The following WWOX variants were observed in gnomAD, a reference collection of about 807,000 sequenced individuals.
The protein encoded by WWOX is WW domain-containing oxidoreductase.
Under a neutral mutation model 46.2 loss-of-function variants are expected in WWOX, and 69 were observed. The ratio of observed to expected loss-of-function variants is 1.49; its 90% CI spans 1.23 to 1.82. The LOEUF is 1.82. Among genes scored for constraint, WWOX ranks in the 40% most tolerant of loss-of-function variants. WWOX has a pLI of 0.00. For missense variants in WWOX, 919 were observed against 542.6 expected (o/e 1.69, Z -6.89); for synonymous variants, 359 against 202.6 (o/e 1.77, Z -6.56).
intron 8 of WWOX, among the ~76,000 whole-genome samples, chr16:79,140,924 GAA>G (rs1327089169): frequency 2.6e-5 from 4 of 152,160 alleles, no homozygotes; most frequent in Admixed American, 1.3e-4. Context: ...TCTGGGATTT[GAA>G]ATAGAGATGG....
intron 8 of WWOX, among the ~76,000 whole-genome samples, chr16:78,759,823 C>A (rs1040129803): frequency 1.4e-4 from 22 of 152,130 alleles, no homozygotes; most frequent in African/African-American, 5.3e-4. Context: ...GAGTGAAAAT[C>A]AAAATGTTGG....
intron 8 of WWOX, among the ~76,000 whole-genome samples, chr16:78,570,946 A>T (rs2044701366): frequency 6.6e-6 from 1 of 152,158 alleles, no homozygotes; most frequent in Admixed American, 6.6e-5. Context: ...GGGTAGAAGG[A>T]ACAGAAAGTG....
chr16:78,482,452 A>T (rs988529022), intron 8 of WWOX, among the ~76,000 whole-genome samples: 2 of 152,142 alleles, frequency 1.3e-5, no homozygotes, highest in East Asian at 3.9e-4. Flanking sequence ...CGAACTCCTC[A>T]CTTCAGGTGA....
intron 5 of WWOX, among the ~76,000 whole-genome samples, chr16:78,257,354 A>G (rs1320565465): frequency 1.3e-5 from 2 of 152,318 alleles, no homozygotes; most frequent in East Asian, 3.9e-4. Context: ...GTAGAGCAGC[A>G]GGGTATTTAT....
In WWOX at chr16:78,571,847, C is replaced by T. The variant is rs369548184; in HGVS notation, c.1056+139095C>T. Reference sequence around the variant, plus strand: ...CGCCACTATACTCTAGCCTGGGCAACAGAGCTAGATTCCATCTCAAAAAAA... The same window carrying T: ...CGCCACTATACTCTAGCCTGGGCAATAGAGCTAGATTCCATCTCAAAAAAA... On this transcript the variant is annotated intron_variant, in intron 8 of 8. Coordinates refer to ENST00000566780, the MANE Select transcript of WWOX (RefSeq NM_016373.4). Among the ~76,000 whole-genome samples, 20 of 152,234 alleles carry T rather than the reference C, an allele frequency of 1.3e-4. No homozygotes were observed. The East Asian group carries it at 3.1e-3, about 24-fold the overall frequency.
chr16:78,620,010 G>T (rs1304998030), intron 8 of WWOX, among the ~76,000 whole-genome samples: 1 of 152,172 alleles, frequency 6.6e-6, no homozygotes, highest in Non-Finnish European at 1.5e-5. Flanking sequence ...AAGTGAAAGA[G>T]AAAATGAGAC....
intron 8 of WWOX, among the ~76,000 whole-genome samples, chr16:78,723,389 G>A (rs567289196): frequency 1.2e-4 from 19 of 152,044 alleles, no homozygotes; most frequent in Admixed American, 5.9e-4. Flanking sequence ...AGGAGAAGGC[G>A]GAGTGACCAC....
At chr16:79,130,815 T>C (rs1238694341) in intron 8 of WWOX, among the ~76,000 whole-genome samples, 1 of 152,210 alleles carries the variant, frequency 6.6e-6, no homozygotes, top group Non-Finnish European at 1.5e-5. Flanking sequence ...CCCCAGCAGT[T>C]CTTTGAGATT....
At chr16:78,769,852 AAAAAT>A (rs1056502463) in intron 8 of WWOX, among the ~76,000 whole-genome samples, 166 of 151,500 alleles carry the variant, frequency 1.1e-3, no homozygotes, top group African/African-American at 3.7e-3. Flanking sequence ...ACAAAAAATA[AAAAAT>A]AAAATAAAAA....
intron 4 of WWOX, among the ~76,000 whole-genome samples, chr16:78,155,632 A>G (rs1216861601): frequency 6.6e-6 from 1 of 152,162 alleles, no homozygotes; most frequent in Non-Finnish European, 1.5e-5. Context: ...TTCCGAACAC[A>G]CTCTTGCCAT....
chr16:78,805,443 T>C (rs2051007387), intron 8 of WWOX, among the ~76,000 whole-genome samples: 1 of 151,728 alleles, frequency 6.6e-6, no homozygotes, highest in Admixed American at 6.6e-5. Flanking sequence ...TTTTTTGTAT[T>C]GTTTGTATTT....
intron 8 of WWOX, chr16:78,535,207 C>T (rs1050671105): frequency 6.6e-6 from 1 of 152,160 alleles, no homozygotes; most frequent in Admixed American, 6.5e-5. Flanking sequence ...ACAGGATCTG[C>T]TCAGGGAGAT....
At chr16:78,937,297 T>G (rs1422194536) in intron 8 of WWOX, among the ~76,000 whole-genome samples, 1 of 152,138 alleles carries the variant, frequency 6.6e-6, no homozygotes, top group Non-Finnish European at 1.5e-5. Context: ...GATTCTCCAA[T>G]ACACCTGCAT....
intron 8 of WWOX, among the ~76,000 whole-genome samples, chr16:78,505,965 C>T (rs947981053): frequency 2.6e-5 from 4 of 152,186 alleles, no homozygotes; most frequent in South Asian, 2.1e-4. Flanking sequence ...CTTGGCTGAA[C>T]GCCAGAGGAG....
chr16:79,053,898 A>G (rs527241372), intron 8 of WWOX, among the ~76,000 whole-genome samples: 6 of 152,278 alleles, frequency 3.9e-5, no homozygotes, highest in Admixed American at 1.3e-4. Flanking sequence ...ATAGTACCCC[A>G]GCCATAGAAA....
At chr16:79,127,675 A>G (rs1469072303) in intron 8 of WWOX, among the ~76,000 whole-genome samples, 1 of 152,118 alleles carries the variant, frequency 6.6e-6, no homozygotes, top group Non-Finnish European at 1.5e-5. Context: ...GGTCGTTTTC[A>G]TAGATATTGC....
chr16:78,179,732 A>G (rs1271890230), intron 5 of WWOX: 1 of 152,256 alleles, frequency 6.6e-6, no homozygotes, highest in Admixed American at 6.5e-5. Flanking sequence ...CTTAGGGAAC[A>G]AACAGCCGAG....
intron 8 of WWOX, among the ~76,000 whole-genome samples, chr16:78,721,201 T>C (rs1176288038): frequency 1.3e-5 from 2 of 152,216 alleles, no homozygotes; most frequent in Admixed American, 6.5e-5. Context: ...TAGGCCATTA[T>C]ACTTTCTACA....
At chr16:78,616,325 T>C (rs547636851) in intron 8 of WWOX, among the ~76,000 whole-genome samples, 8 of 152,150 alleles carry the variant, frequency 5.3e-5, no homozygotes, top group Non-Finnish European at 1.2e-4. Context: ...GGAAATGTAT[T>C]TCTCACAATT....
Sources: gnomAD v4.1 joint callset for allele counts (sites outside exome capture counted in the v4.1 genomes callset) on GRCh38, gnomAD v4.1.1 for gene constraint, MANE v1.5 for transcripts, NCBI Gene and HGNC (gene_info 2026-07-23, HGNC 2026-07-21) for gene names.